Variants in MAPK13 observed in about 807,000 individuals in gnomAD.
MAPK13 encodes MAP kinase 13.
In MAPK13, 39 loss-of-function variants were observed where a neutral mutation model predicts 53.5. That is an observed-to-expected ratio of 0.73 (90% CI 0.56 to 0.95). The LOEUF (loss-of-function observed/expected upper bound fraction) is 0.95, where lower values mean the gene tolerates loss of function less well. Among genes scored for constraint, MAPK13 ranks in the 40% least tolerant of loss-of-function variants. MAPK13 has a pLI of 0.00. For missense variants in MAPK13, 460 were observed against 471.8 expected (o/e 0.98, Z 0.23); for synonymous variants, 179 against 190.9 (o/e 0.94, Z 0.51).
At chr6:36,135,474 T>A (rs562283972) in intron 3 of MAPK13, among the ~76,000 whole-genome samples, 1 of 152,210 alleles carries the variant, frequency 6.6e-6, no homozygotes, top group South Asian at 2.1e-4. Flanking sequence ...GAGAGTACCT[T>A]TGAAGAGCGG....
chr6:36,135,454 A>AG (rs1215005749), intron 3 of MAPK13, among the ~76,000 whole-genome samples: 2 of 152,132 alleles, frequency 1.3e-5, no homozygotes, highest in Non-Finnish European at 2.9e-5. Flanking sequence ...GGTGTGGAGG[A>AG]GGGCAAGGAG....
intron 1 of MAPK13, 24 bp from the exon 2 acceptor site, chr6:36,131,247 T>C: frequency 1.2e-6 from 2 of 1,605,944 alleles, no homozygotes; most frequent in Non-Finnish European, 1.7e-6. Flanking sequence ...GAGCCTCGCC[T>C]GCTGACCGGC....
Sources: gnomAD v4.1 joint callset for allele counts (sites outside exome capture counted in the v4.1 genomes callset) on GRCh38, gnomAD v4.1.1 for gene constraint, MANE v1.5 for transcripts, NCBI Gene and HGNC (gene_info 2026-07-23, HGNC 2026-07-21) for gene names.